The following DLGAP2 variants were observed in gnomAD, a reference collection of about 807,000 sequenced individuals.
DLGAP2 encodes disks large-associated protein 2.
A neutral mutation model predicts 100.3 loss-of-function variants in DLGAP2; 26 were observed. The ratio of observed to expected loss-of-function variants is 0.26; its 90% confidence interval spans 0.19 to 0.36. DLGAP2 has a LOEUF of 0.36. DLGAP2 is among the 10% of genes least tolerant of loss of function. The probability of loss-of-function intolerance (pLI) is 1.00; values close to 1 mark genes in which losing one functional copy is unlikely to be tolerated. For missense variants in DLGAP2, 1,858 were observed against 1,453.2 expected, an observed-to-expected ratio of 1.28 and a Z score of -4.53; for synonymous variants, 886 against 630.1, an observed-to-expected ratio of 1.41 and a Z score of -6.08.
intron 1 of DLGAP2, among the ~76,000 whole-genome samples, chr8:777,493 T>C (rs1320463598): frequency 6.6e-6 from 1 of 151,940 alleles, no homozygotes; most frequent in African/African-American, 2.4e-5. Flanking sequence ...TGGTACCAGT[T>C]GTTCCTTTCC....
intron 3 of DLGAP2, among the ~76,000 whole-genome samples, chr8:1,496,279 G>A (rs17063996): frequency 0.041 from 6,197 of 152,158 alleles, 427 homozygotes; most frequent in African/African-American, 0.14. Flanking sequence ...ACATTGCGGT[G>A]TCGGTGGAAG....
chr8:1,621,456 G>A (rs775956314), intron 6 of DLGAP2: 1 of 152,416 alleles, frequency 6.6e-6, no homozygotes, highest in Non-Finnish European at 1.5e-5. Context: ...TCCACACCGG[G>A]TTGGGGTCAG....
At chr8:1,281,986 AGC>A (rs71190712) in intron 3 of DLGAP2, among the ~76,000 whole-genome samples, 120,228 of 150,558 alleles carry the variant, frequency 0.8, 48,284 homozygotes, top group African/African-American at 0.9. Flanking sequence ...ACCTGAACCC[AGC>A]GCGCCCTGAA....
intron 1 of DLGAP2, among the ~76,000 whole-genome samples, chr8:855,515 G>T (rs143180771): frequency 2.7e-4 from 41 of 152,266 alleles, no homozygotes; most frequent in Non-Finnish European, 4.9e-4. Flanking sequence ...GAAGGAGGGT[G>T]TTTAACAGCA....
At chr8:912,662 A>G (rs556329098) in intron 2 of DLGAP2, among the ~76,000 whole-genome samples, 4 of 138,522 alleles carry the variant, frequency 2.9e-5, no homozygotes, top group Non-Finnish European at 6.2e-5. Flanking sequence ...CACAGTGTCC[A>G]TCTTCCTATC....
At chr8:1,452,487 G>A (rs2130116846) in intron 3 of DLGAP2, among the ~76,000 whole-genome samples, 1 of 152,342 alleles carries the variant, frequency 6.6e-6, no homozygotes, top group South Asian at 2.1e-4. Context: ...GTCATCTCAG[G>A]GCCGCTAGGA....
chr8:1,452,384 G>A (rs1342133635), intron 3 of DLGAP2, among the ~76,000 whole-genome samples: 1 of 152,244 alleles, frequency 6.6e-6, no homozygotes, highest in Non-Finnish European at 1.5e-5. Flanking sequence ...CCTGAGCCGA[G>A]GCTATGCGTG....
intron 3 of DLGAP2, among the ~76,000 whole-genome samples, chr8:1,327,716 C>T (rs1211772433): frequency 4.6e-5 from 7 of 152,044 alleles, no homozygotes; most frequent in Admixed American, 1.3e-4. Context: ...TCGTGGCGGG[C>T]GCCTGTAGTC....
chr8:1,000,097 A>C (rs1377481108), intron 2 of DLGAP2, among the ~76,000 whole-genome samples: 1 of 126,402 alleles, frequency 7.9e-6, no homozygotes, highest in South Asian at 2.7e-4. Context: ...TTTCTTTTGC[A>C]CTGGATTTTC....
At chr8:1,150,113 T>C (rs1217698038) in intron 2 of DLGAP2, among the ~76,000 whole-genome samples, 1 of 152,248 alleles carries the variant, frequency 6.6e-6, no homozygotes, top group Non-Finnish European at 1.5e-5. Flanking sequence ...CTGGGGTTGT[T>C]TTGTTCCTCC....
At chr8:1,020,535 A>T (rs1239240955) in intron 2 of DLGAP2, among the ~76,000 whole-genome samples, 1 of 152,206 alleles carries the variant, frequency 6.6e-6, no homozygotes, top group Non-Finnish European at 1.5e-5. Context: ...GATGGTGCTC[A>T]CACAATGTGT....
intron 1 of DLGAP2, among the ~76,000 whole-genome samples, chr8:889,369 C>T (rs1004544382): frequency 6.6e-6 from 1 of 152,104 alleles, no homozygotes; most frequent in Non-Finnish European, 1.5e-5. Flanking sequence ...GTCTGGGCTG[C>T]CTGGGTTCCT....
intron 2 of DLGAP2, among the ~76,000 whole-genome samples, chr8:1,161,707 C>T (rs751283693): frequency 1.3e-5 from 2 of 152,230 alleles, no homozygotes; most frequent in African/African-American, 4.8e-5. Flanking sequence ...GTCTCTGTCT[C>T]AGGGCACGTA....
chr8:950,191 G>A (rs377142754), intron 2 of DLGAP2, among the ~76,000 whole-genome samples: 1 of 152,158 alleles, frequency 6.6e-6, no homozygotes, highest in Non-Finnish European at 1.5e-5. Context: ...TCTCATGCCC[G>A]GCTGAAGTTA....
chr8:1,409,519 G>C (rs761624714), intron 3 of DLGAP2, among the ~76,000 whole-genome samples: 7 of 152,206 alleles, frequency 4.6e-5, no homozygotes, highest in Admixed American at 4.6e-4. Context: ...TGTGACGAAC[G>C]TGCTCAGAAC....
At chr8:1,242,373 T>C (rs548982691) in intron 2 of DLGAP2, among the ~76,000 whole-genome samples, 2 of 152,186 alleles carry the variant, frequency 1.3e-5, no homozygotes, top group African/African-American at 4.8e-5. Flanking sequence ...AGAAAGTGCA[T>C]GGAATGGGCA....
At chr8:1,688,790 G>C (rs547577368) in intron 12 of DLGAP2, among the ~76,000 whole-genome samples, 1 of 152,274 alleles carries the variant, frequency 6.6e-6, no homozygotes, top group African/African-American at 2.4e-5. Flanking sequence ...AGACCTTCAT[G>C]TTCTAAAAAA....
At chr8:1,692,639 GA>G (rs775609239) in intron 13 of DLGAP2, among the ~76,000 whole-genome samples, 29 of 152,114 alleles carry the variant, frequency 1.9e-4, no homozygotes, top group Non-Finnish European at 4.0e-4. Context: ...TGTCACAAAT[GA>G]AGAAAATGAT....
At chr8:1,296,723 A>G (rs1474969411) in intron 3 of DLGAP2, among the ~76,000 whole-genome samples, 1 of 152,198 alleles carries the variant, frequency 6.6e-6, no homozygotes, top group Admixed American at 6.5e-5. Context: ...AAAGCGTCAA[A>G]GGCTCTTTGG....
Sources: allele counts gnomAD v4.1 joint callset (sites outside exome capture counted in the v4.1 genomes callset), GRCh38; gene constraint gnomAD v4.1.1; transcripts MANE v1.5; gene names NCBI Gene and HGNC (gene_info 2026-07-23, HGNC 2026-07-21).